Variants in ATP2B2 observed in about 807,000 individuals in gnomAD.
ATP2B2 encodes plasma membrane calcium-transporting ATPase 2.
A neutral mutation model predicts 120.0 loss-of-function variants in ATP2B2; 15 were observed. The observed-to-expected ratio is 0.12, with a 90% CI of 0.08 to 0.19. The LOEUF (loss-of-function observed/expected upper bound fraction) is 0.19. Ranked by LOEUF, ATP2B2 falls within the 10% of genes least tolerant of loss-of-function variation. The pLI, the probability that ATP2B2 is intolerant of heterozygous loss-of-function variation, is 1.00. For synonymous variants in ATP2B2, 694 were observed against 700.3 expected, an observed-to-expected ratio of 0.99 and a Z score of 0.14; for missense variants, 1,045 against 1,719.8, an observed-to-expected ratio of 0.61 and a Z score of 6.94.
chr3:10,480,924 A>G (rs1272254439), intron 1 of ATP2B2, among the ~76,000 whole-genome samples: 1 of 152,260 alleles, frequency 6.6e-6, no homozygotes, highest in Non-Finnish European at 1.5e-5. Flanking sequence ...GGCCAGGGCC[A>G]GAGGGCCCCG....
In ATP2B2 at chr3:10,449,471, C is replaced by T. The variant is rs765743831; in HGVS notation, c.73G>A (p.Gly25Arg). 40 of 1,614,114 alleles carry T rather than the reference C, an allele frequency of 2.5e-5. No homozygotes were observed. Among genetic ancestry groups the T allele is most frequent in the African/African-American group, 4.0e-5 (3 of 74,942 alleles). ...GAGCGGAGCTCCTCCATTGTGCACC[C>T]GAACTCGCCCCCATGGCTCGACTCA... ...RNESSHGGEF[G>R]CTMEELRSLM... The change falls in exon 2 of 23, where the codon GGG (glycine) becomes AGG (arginine). Residue 25 changes from glycine to arginine, a missense_variant. Physicochemically the swap from Gly to Arg is moderately radical, Grantham distance 125. Coordinates refer to ENST00000360273, the MANE Select transcript of ATP2B2 (RefSeq NM_001001331.4).
At chr3:10,438,692 C>T (rs1350247266) in intron 2 of ATP2B2, among the ~76,000 whole-genome samples, 1 of 152,230 alleles carries the variant, frequency 6.6e-6, no homozygotes, top group East Asian at 1.9e-4. Context: ...AAATAACTTA[C>T]CCGCCCTGTC....
chr3:10,478,973 G>A (rs115971659), intron 1 of ATP2B2, among the ~76,000 whole-genome samples: 3,517 of 152,160 alleles, frequency 0.023, 118 homozygotes, highest in African/African-American at 0.075. Context: ...CCCTTTGGGC[G>A]CTCTCTCTCT....
chr3:10,535,987 C>T (rs1038729355), intron 2 of ATP2B2, among the ~76,000 whole-genome samples: 7 of 152,052 alleles, frequency 4.6e-5, no homozygotes. Context: ...TACATTCCCA[C>T]CAGCAATGTA....
intron 1 of ATP2B2, among the ~76,000 whole-genome samples, chr3:10,479,070 C>A (rs1049082342): frequency 1.3e-5 from 2 of 149,642 alleles, no homozygotes; most frequent in African/African-American, 2.5e-5. Context: ...CCAAGAGGAA[C>A]TGTGAGTCAA....
At chr3:10,601,337 C>A (rs889348153) in intron 2 of ATP2B2, among the ~76,000 whole-genome samples, 4 of 152,146 alleles carry the variant, frequency 2.6e-5, no homozygotes, top group Non-Finnish European at 5.9e-5. Flanking sequence ...CAGCCACTGG[C>A]TGGTCCCTGG....
intron 12 of ATP2B2, among the ~76,000 whole-genome samples, chr3:10,367,927 G>T (rs192328142): frequency 1.5e-3 from 223 of 152,346 alleles, no homozygotes; most frequent in Non-Finnish European, 2.9e-3. Flanking sequence ...GAGAGGTTAA[G>T]TAACTGGCTC....
chr3:10,335,356 T>C (rs2125343262), intron 22 of ATP2B2, among the ~76,000 whole-genome samples: 1 of 152,226 alleles, frequency 6.6e-6, no homozygotes, highest in East Asian at 1.9e-4. Flanking sequence ...CAGGGAAAGG[T>C]GTCTGCAGGG....
chr3:10,706,922 CCT>C (rs2125723850), intron 1 of ATP2B2, among the ~76,000 whole-genome samples: 1 of 152,334 alleles, frequency 6.6e-6, no homozygotes, highest in Admixed American at 6.5e-5. Flanking sequence ...ACTCCTGCCC[CCT>C]GCTGTGTGAC....
chr3:10,337,691 C>T (rs2060158918), intron 22 of ATP2B2, among the ~76,000 whole-genome samples: 1 of 152,068 alleles, frequency 6.6e-6, no homozygotes, highest in South Asian at 2.1e-4. Flanking sequence ...AGAGCCTCTC[C>T]ACCCCCTAGG....
chr3:10,622,123 G>GC (rs958983127), intron 1 of ATP2B2, among the ~76,000 whole-genome samples: 35 of 152,024 alleles, frequency 2.3e-4, no homozygotes, highest in African/African-American at 8.0e-4. Flanking sequence ...TGCTCCAGGG[G>GC]CCCCCCTAGG....
At chr3:10,344,267 A>T (rs1230790928) in intron 18 of ATP2B2, among the ~76,000 whole-genome samples, 1 of 152,170 alleles carries the variant, frequency 6.6e-6, no homozygotes, top group Non-Finnish European at 1.5e-5. Flanking sequence ...CCTATCTGGC[A>T]TCAAGACCTT....
chr3:10,635,012 G>A lies in ATP2B2; in HGVS notation c.-459-15051C>T, dbSNP rs17033273. On this transcript the variant is annotated intron_variant, in intron 1 of 21. Coordinates refer to the ATP2B2 transcript ENST00000646379. The surrounding 1 kb of genome is among the most constrained non-coding windows in gnomAD (Gnocchi z 4.3). ...GACACAACAGCGTATGGGATTGGTTGTTCCTACGTGATAGAAGAAAGAGCC... is the reference window on the plus strand; with the variant it reads ...GACACAACAGCGTATGGGATTGGTTATTCCTACGTGATAGAAGAAAGAGCC... Among the ~76,000 whole-genome samples, 8,259 of 152,138 alleles carry A rather than the reference G, an allele frequency of 0.054. 443 individuals are homozygous for A. The highest frequency in any genetic ancestry group is 0.14 in the African/African-American group (5,855 of 41,488).
At chr3:10,442,458 C>T (rs1352508605) in intron 2 of ATP2B2, among the ~76,000 whole-genome samples, 4 of 152,200 alleles carry the variant, frequency 2.6e-5, no homozygotes, top group African/African-American at 9.6e-5. Context: ...CCACCCCAGC[C>T]TATGACCATC....
Position 10,338,166 on chromosome 3 carries a change from C to G in ATP2B2, c.3420+10G>C. ...CAGGCCTGGGCCCAGCCCCCAAGAGCCTCCTGTACCTGTGTCTGGATCCGA... is the reference window on the plus strand; with the variant it reads ...CAGGCCTGGGCCCAGCCCCCAAGAGGCTCCTGTACCTGTGTCTGGATCCGA... On this transcript the variant is annotated intron_variant, in intron 22 of 22. Coordinates refer to ENST00000360273, the MANE Select transcript of ATP2B2 (RefSeq NM_001001331.4). The G allele has an allele frequency of 6.2e-7, 1 of 1,613,866 alleles. No individual in the cohort carries two copies. The highest frequency in any genetic ancestry group is 8.5e-7 in the Non-Finnish European group (1 of 1,180,020).
intron 2 of ATP2B2, among the ~76,000 whole-genome samples, chr3:10,428,384 T>C (rs1451461848): frequency 2.0e-5 from 3 of 152,182 alleles, no homozygotes. Flanking sequence ...ATTCATTCAG[T>C]GTTGGTTTGG....
chr3:10,486,020 A>C (rs1439355613), intron 1 of ATP2B2, among the ~76,000 whole-genome samples: 1 of 152,182 alleles, frequency 6.6e-6, no homozygotes, highest in Non-Finnish European at 1.5e-5. Flanking sequence ...GGAGGCCACA[A>C]GTGGGCATGG....
At chr3:10,480,754 C>T (rs2065379792) in intron 1 of ATP2B2, among the ~76,000 whole-genome samples, 1 of 152,242 alleles carries the variant, frequency 6.6e-6, no homozygotes, top group Non-Finnish European at 1.5e-5. Context: ...TTAGCCTCCT[C>T]GCCAAGCCCT....
Position 10,329,815 on chromosome 3 carries a change from G to A in ATP2B2, c.3421-690C>T, listed in dbSNP as rs1019350855. Among the ~76,000 whole-genome samples, 3 of 152,156 alleles carry A rather than the reference G, an allele frequency of 2.0e-5. No homozygotes were observed. The highest frequency in any genetic ancestry group is 1.9e-4 in the East Asian group (1 of 5,188). ...TGGCGGACAGATGACATTCGGGGGC[G>A]GGCTGCATGCCACGGGGAGGCCGGG... On this transcript the variant is annotated intron_variant, in intron 22 of 22. Coordinates refer to ENST00000360273, the MANE Select transcript of ATP2B2 (RefSeq NM_001001331.4). The surrounding 1 kb of genome is among the most constrained non-coding windows in gnomAD (Gnocchi z 5.9).
Sources: gnomAD v4.1 joint callset for allele counts (sites outside exome capture counted in the v4.1 genomes callset) on GRCh38, gnomAD v4.1.1 for gene constraint, Gnocchi (gnomAD v3.1) non-coding constraint, MANE v1.5 for transcripts, NCBI Gene and HGNC (gene_info 2026-07-23, HGNC 2026-07-21) for gene names.